COL25A1: variants seen among roughly 807,000 people sequenced by gnomAD.
COL25A1 encodes the protein collagen type XXV alpha 1 chain, also known as collagen alpha-1(XXV) chain.
A neutral mutation model predicts 128.4 loss-of-function variants in COL25A1; 103 were observed. The ratio of observed to expected loss-of-function variants is 0.80; its 90% CI spans 0.68 to 0.94. The LOEUF (loss-of-function observed/expected upper bound fraction) is 0.94. Among genes scored for constraint, COL25A1 ranks in the 40% least tolerant of loss-of-function variants. The pLI is 0.00. For synonymous variants in COL25A1, 279 were observed against 277.2 expected (o/e 1.01, Z -0.06); for missense variants, 745 against 840.0 (o/e 0.89, Z 1.40).
chr4:109,155,887 A>G (rs1485491498), intron 3 of COL25A1, among the ~76,000 whole-genome samples: 1 of 152,228 alleles, frequency 6.6e-6, no homozygotes, highest in Non-Finnish European at 1.5e-5. Context: ...GGCAAAGCAA[A>G]GAGAACAAAG....
intron 5 of COL25A1, among the ~76,000 whole-genome samples, chr4:109,038,319 T>A (rs1759546891): frequency 6.6e-6 from 1 of 152,182 alleles, no homozygotes; most frequent in Non-Finnish European, 1.5e-5. Context: ...AACTGAAGTT[T>A]CCTGGAGAAG....
chr4:109,087,396 G>A (rs1264038453), intron 3 of COL25A1, among the ~76,000 whole-genome samples: 1 of 152,064 alleles, frequency 6.6e-6, no homozygotes, highest in African/African-American at 2.4e-5. Context: ...CCCCGCCTGC[G>A]CCACACCTAG....
chr4:109,107,690 T>C (rs1262506556), intron 3 of COL25A1, among the ~76,000 whole-genome samples: 2 of 152,176 alleles, frequency 1.3e-5, no homozygotes, highest in Non-Finnish European at 2.9e-5. Flanking sequence ...CTTATTTAGG[T>C]AAACAGCATC....
intron 19 of COL25A1, 54 bp downstream of exon 19, chr4:108,884,124 G>T: frequency 6.4e-7 from 1 of 1,564,026 alleles, no homozygotes; most frequent in Non-Finnish European, 8.8e-7. Context: ...TCCAATTTGG[G>T]TGAATCTCAT....
intron 3 of COL25A1, among the ~76,000 whole-genome samples, chr4:109,285,072 C>G (rs1197696930): frequency 6.6e-6 from 1 of 152,038 alleles, no homozygotes; most frequent in Admixed American, 6.6e-5. Context: ...CAGGCCACAT[C>G]TGGAGCTTCA....
At chr4:109,251,774 T>A (rs1252541223) in intron 3 of COL25A1, among the ~76,000 whole-genome samples, 2 of 152,140 alleles carry the variant, frequency 1.3e-5, no homozygotes, top group Admixed American at 1.3e-4. Flanking sequence ...TAATAGTGAG[T>A]GATGCCAATC....
intron 22 of COL25A1, among the ~76,000 whole-genome samples, chr4:108,861,843 GTAAGGATGAA>G (rs766738337): frequency 1.7e-4 from 26 of 152,094 alleles, no homozygotes; most frequent in Non-Finnish European, 3.5e-4. Context: ...TATAAACTGG[GTAAGGATGAA>G]TAAAGATAAG....
chr4:109,244,405 T>G (rs1780121045), intron 3 of COL25A1, among the ~76,000 whole-genome samples: 1 of 152,126 alleles, frequency 6.6e-6, no homozygotes, highest in South Asian at 2.1e-4. Flanking sequence ...ATGCTTCATT[T>G]AAAAGTACTC....
intron 3 of COL25A1, among the ~76,000 whole-genome samples, chr4:109,137,984 A>ATATGTGTGTGTGTGTGTGTGTGTG (rs547874075): frequency 4.1e-4 from 58 of 142,484 alleles, no homozygotes; most frequent in Admixed American, 9.3e-4. Flanking sequence ...TTATATATAT[A>ATATGTGTGTGTGTGTGTGTGTGTG]TGTGTGTGTG....
At chr4:109,080,199 T>C (rs79274133) in intron 3 of COL25A1, among the ~76,000 whole-genome samples, 3,608 of 152,252 alleles carry the variant, frequency 0.024, 165 homozygotes, top group African/African-American at 0.082. Flanking sequence ...ACTCCTGTTA[T>C]TCCCATTTTA....
chr4:109,038,425 C>T (rs567705696), intron 5 of COL25A1, among the ~76,000 whole-genome samples: 13 of 152,266 alleles, frequency 8.5e-5, no homozygotes, highest in African/African-American at 1.7e-4. Context: ...TTCCCACAAC[C>T]GCATGACCAA....
At chr4:108,906,461 C>T (rs969546016) in intron 13 of COL25A1, among the ~76,000 whole-genome samples, 9 of 152,152 alleles carry the variant, frequency 5.9e-5, no homozygotes, top group Non-Finnish European at 1.3e-4. Flanking sequence ...AAGGCATATG[C>T]CTGTGCCTTT....
At chr4:108,844,649 C>CTAA in intron 29 of COL25A1, 80 bp from the exon 30 acceptor site, 1 of 1,539,912 alleles carries the variant, frequency 6.5e-7, no homozygotes, top group South Asian at 1.3e-5. Context: ...TGCTGGGGTT[C>CTAA]TGCTAAGGCC....
chr4:108,822,654 G>A (rs1210457611), intron 35 of COL25A1, among the ~76,000 whole-genome samples: 1 of 151,902 alleles, frequency 6.6e-6, no homozygotes, highest in East Asian at 1.9e-4. Context: ...TTGAACTCTG[G>A]GCCTTAAGCA....
At chr4:108,935,292 TCAGGG>T (rs1747267063) in intron 11 of COL25A1, among the ~76,000 whole-genome samples, 1 of 152,172 alleles carries the variant, frequency 6.6e-6, no homozygotes, top group African/African-American at 2.4e-5. Flanking sequence ...GTGACAGAAG[TCAGGG>T]TGGAGGCTAC....
intron 3 of COL25A1, among the ~76,000 whole-genome samples, chr4:109,236,024 G>T (rs1341777487): frequency 6.6e-6 from 1 of 151,712 alleles, no homozygotes; most frequent in African/African-American, 2.4e-5. Context: ...ACGTAATACT[G>T]ATTTCTTATA....
chr4:109,065,429 T>C (rs948752947), intron 3 of COL25A1, among the ~76,000 whole-genome samples: 7 of 152,056 alleles, frequency 4.6e-5, no homozygotes, highest in Admixed American at 1.3e-4. Flanking sequence ...AACTGTTTTC[T>C]ATAGTTACCT....
intron 3 of COL25A1, among the ~76,000 whole-genome samples, chr4:109,192,932 G>C (rs1336097535): frequency 6.6e-6 from 1 of 151,988 alleles, no homozygotes; most frequent in East Asian, 1.9e-4. Flanking sequence ...CACAGAGAGA[G>C]CATGGCCATC....
intron 3 of COL25A1, among the ~76,000 whole-genome samples, chr4:109,119,405 A>G (rs1294340630): frequency 6.6e-6 from 1 of 152,086 alleles, no homozygotes; most frequent in African/African-American, 2.4e-5. Context: ...GCAAAACTCA[A>G]AACTGGTTCT....
Sources: gnomAD v4.1 joint callset for allele counts (sites outside exome capture counted in the v4.1 genomes callset) on GRCh38, gnomAD v4.1.1 for gene constraint, MANE v1.5 for transcripts, NCBI Gene and HGNC (gene_info 2026-07-23, HGNC 2026-07-21) for gene names.